ZNF431: variants seen among roughly 807,000 people sequenced by gnomAD.
ZNF431 encodes zinc finger protein 431.
Under a neutral mutation model 57.0 loss-of-function variants are expected in ZNF431, and 34 were observed. The ratio of observed to expected loss-of-function variants is 0.60; its 90% CI spans 0.45 to 0.79. The LOEUF is 0.79. Among genes scored for constraint, ZNF431 ranks in the 30% least tolerant of loss-of-function variants. The probability of loss-of-function intolerance (pLI) is 0.00; values close to 1 mark genes in which losing one functional copy is unlikely to be tolerated. For synonymous variants in ZNF431, 207 were observed against 220.3 expected, an observed-to-expected ratio of 0.94 and a Z score of 0.54; for missense variants, 607 against 667.1, an observed-to-expected ratio of 0.91 and a Z score of 0.99.
At chr19:21,143,991 G>A (rs1028501451) in intron 2 of ZNF431, among the ~76,000 whole-genome samples, 2 of 151,786 alleles carry the variant, frequency 1.3e-5, no homozygotes, top group Non-Finnish European at 2.9e-5. Flanking sequence ...TCCTGTATGG[G>A]TGGTTCATGA....
At chr19:21,161,426 A>G (rs1348936305) in intron 2 of ZNF431, among the ~76,000 whole-genome samples, 2 of 152,194 alleles carry the variant, frequency 1.3e-5, no homozygotes, top group African/African-American at 2.4e-5. Context: ...CTAAGAATAC[A>G]TATATATCAT....
chr19:21,167,649 TG>T lies in ZNF431; in HGVS notation c.304del (p.Val102TrpfsTer21). 1 of 1,580,820 alleles carries T rather than the reference TG, an allele frequency of 6.3e-7. No individual in the cohort carries two copies. Among genetic ancestry groups the T allele is most frequent in the Non-Finnish European group, 8.6e-7 (1 of 1,161,972 alleles). Reference sequence around the variant, plus strand: ...CCCTGGAATATGAAGAGACATGAGATGGTGGATGAACCCCCAGGTAGGTGAG... The same window carrying T: ...CCCTGGAATATGAAGAGACATGAGATGTGGATGAACCCCCAGGTAGGTGAG... ...KEPWNMKRHE[M>X]VDEPPAMCSY... On this transcript the variant is annotated frameshift_variant, in exon 4 of 5. Coordinates refer to ENST00000311048, the MANE Select transcript of ZNF431 (RefSeq NM_133473.4). LOFTEE classifies it high-confidence loss of function.
At chr19:21,172,473 C>G (rs1970930374) in intron 4 of ZNF431, among the ~76,000 whole-genome samples, 1 of 149,824 alleles carries the variant, frequency 6.7e-6, no homozygotes, top group South Asian at 2.1e-4. Flanking sequence ...AAACACATAA[C>G]ATAAAATTTA....
chr19:21,167,155 G>A (rs933349156), intron 3 of ZNF431, among the ~76,000 whole-genome samples: 1 of 151,456 alleles, frequency 6.6e-6, no homozygotes, highest in African/African-American at 2.4e-5. Context: ...ACTGCGCCTG[G>A]CTAAAACACT....
At chr19:21,163,019 C>A (rs990352855) in intron 2 of ZNF431, among the ~76,000 whole-genome samples, 2 of 152,040 alleles carry the variant, frequency 1.3e-5, no homozygotes, top group African/African-American at 2.4e-5. Context: ...GACAGAGAAA[C>A]AGATGAAGAA....
In ZNF431 at chr19:21,162,780, T is replaced by C. The variant is rs1413232144; in HGVS notation, c.97-3555T>C. The C allele has an allele frequency of 4.0e-5, 39 of 984,800 alleles. No homozygotes were observed. In the South Asian group the frequency reaches 6.6e-4, roughly 17 times the overall value. The allele number at this position is 984,800 out of a possible 1,614,324, so 61.0% of individuals were successfully genotyped here. A position where few individuals can be genotyped will look rare whatever the true frequency, so the allele number is the denominator to read the frequency against. On this transcript the variant is annotated intron_variant, in intron 2 of 4. Transcript: ENST00000311048. ...GTAAATGAGAAAAATAAACTGTATA[T>C]TTTGGGATCCTAATTTTTAAGTTTT... is the stretch of plus-strand genomic sequence containing the variant.
chr19:21,160,958 A>G (rs1294913546), intron 2 of ZNF431, among the ~76,000 whole-genome samples: 1 of 152,158 alleles, frequency 6.6e-6, no homozygotes. Flanking sequence ...TCACGAGGTC[A>G]AAACATCAAG....
chr19:21,176,414 G>A (rs560379629), intron 4 of ZNF431, among the ~76,000 whole-genome samples: 23 of 151,434 alleles, frequency 1.5e-4, no homozygotes, highest in African/African-American at 5.3e-4. Flanking sequence ...CTAATTTTTT[G>A]TATTTTTAGT....
At position 21,183,374 on chromosome 19, in the gene ZNF431, A is replaced by T. The variant is rs745817540; in HGVS notation, c.1071A>T (p.Ser357=). The T allele has an allele frequency of 2.5e-6, 4 of 1,613,680 alleles. No homozygotes were observed. In the African/African-American group the frequency reaches 5.3e-5, roughly 22 times the overall value. Residue 357 remains serine, a synonymous_variant, in exon 5 of 5, where the codon TCA becomes TCT. Coordinates refer to ENST00000311048, the MANE Select transcript of ZNF431 (RefSeq NM_133473.4). ...GTGACAAAGCTTTTAATCGATTCTCATACCTTACTAAACATAAGATAATTC... is the reference window on the plus strand; with the variant it reads ...GTGACAAAGCTTTTAATCGATTCTCTTACCTTACTAAACATAAGATAATTC... The part of the protein sequence containing the change: ...EECDKAFNRF[S]YLTKHKIIHT...
chr19:21,186,381 T>G lies in ZNF431; in HGVS notation c.*2347T>G, dbSNP rs1394271692. 1 of 152,240 alleles carries G rather than the reference T, an allele frequency of 6.6e-6. No individual in the cohort carries two copies. The highest frequency in any genetic ancestry group is 2.4e-5 in the African/African-American group (1 of 41,472). 9.4% of individuals were successfully genotyped at this position (152,240 alleles called of 1,614,324 possible). ...TACAGACTTTTAGTTTTGATTCATATAGAGTTAAATACATGTTAGTCTAAA... is the reference window on the plus strand; with the variant it reads ...TACAGACTTTTAGTTTTGATTCATAGAGAGTTAAATACATGTTAGTCTAAA... On this transcript the variant is annotated 3_prime_UTR_variant, in exon 5 of 5. Coordinates refer to ENST00000311048, the MANE Select transcript of ZNF431 (RefSeq NM_133473.4).
Position 21,183,645 on chromosome 19 carries a change from A to T in ZNF431, c.1342A>T (p.Ile448Leu), listed in dbSNP as rs772172413. The change falls in exon 5 of 5, where the codon ATA becomes TTA. Residue 448 changes from isoleucine (I) to leucine (L), a missense_variant. Physicochemically the swap from Ile to Leu is conservative, Grantham distance 5 (BLOSUM62 2). Transcript: ENST00000311048. ...NRSPQLTAHK[I>L]IHTGEKPYKC... ...GTCCCCACAACTTACTGCACATAAG[A>T]TAATTCATACTGGAGAGAAACCTTA... is the stretch of plus-strand genomic sequence containing the variant. 2 of 1,613,522 alleles carry T rather than the reference A, an allele frequency of 1.2e-6. No individual in the cohort carries two copies. Among genetic ancestry groups the T allele is most frequent in the Middle Eastern group, 1.6e-4 (1 of 6,062 alleles).
chr19:21,143,633 A>C lies in ZNF431; in HGVS notation c.86A>C (p.Tyr29Ser). Reference sequence around the variant, plus strand: ...GAGAGGAATCTTCTAGTTTACTCTTATTTTGAAAAGGTAACCTCTTGAGAC... The same window carrying C: ...GAGAGGAATCTTCTAGTTTACTCTTCTTTTGAAAAGGTAACCTCTTGAGAC... Reference protein sequence around the residue: ...GAERNLLVYSYFEKETLTFRD... With the variant: ...GAERNLLVYSSFEKETLTFRD... The change falls in exon 2 of 5, where the codon TAT becomes TCT. Residue 29 changes from tyrosine (Y) to serine (S), a missense_variant. By Grantham distance (144) the Tyr-to-Ser change is moderately radical. Transcript: ENST00000311048. The C allele has an allele frequency of 6.2e-7, 1 of 1,613,556 alleles. No homozygotes were observed. The highest frequency in any genetic ancestry group is 8.5e-7 in the Non-Finnish European group (1 of 1,179,526).
chr19:21,178,397 C>G (rs1388855385), intron 4 of ZNF431, among the ~76,000 whole-genome samples: 1 of 152,078 alleles, frequency 6.6e-6, no homozygotes, highest in Non-Finnish European at 1.5e-5. Flanking sequence ...TGCCAGTTTT[C>G]AAGGGGAATG....
In ZNF431 at chr19:21,162,267, G is replaced by A. The variant is rs569076631; in HGVS notation, c.97-4068G>A. On this transcript the variant is annotated intron_variant, in intron 2 of 4. Coordinates refer to ENST00000311048, the MANE Select transcript of ZNF431 (RefSeq NM_133473.4). ...TGGCACACTGCAACCTCCATCTATG[G>A]GAGTCAAGCGATTGTCCTGCTGCAG... is the stretch of plus-strand genomic sequence containing the variant. 3.3e-5 allele frequency among the ~76,000 whole-genome samples: 5 copies of A among 151,748 alleles called. No individual in the cohort carries two copies. The South Asian group carries it at 1.0e-3, about 32-fold the overall frequency.
Position 21,183,078 on chromosome 19 carries a change from C to A in ZNF431, c.775C>A (p.Pro259Thr). 3.7e-6 allele frequency: 6 copies of A among 1,613,944 alleles called. No homozygotes were observed. Among genetic ancestry groups the A allele is most frequent in the Non-Finnish European group, 5.1e-6 (6 of 1,179,948 alleles). ...RHKRIHTGEK[P>T]FKCEECGKAF... ...CAAGAGAATTCATACTGGAGAGAAA[C>A]CCTTCAAATGTGAAGAATGTGGCAA... Residue 259 changes from proline to threonine, a missense_variant, in exon 5 of 5, where the codon CCC becomes ACC. Transcript: ENST00000311048.
rs1971426731 is a variant in ZNF431, at chr19:21,188,284, G to T, written c.*4250G>T. 1 of 147,130 alleles carries T rather than the reference G, an allele frequency of 6.8e-6. No homozygotes were observed. 9.1% of individuals were successfully genotyped at this position (147,130 alleles called of 1,614,324 possible). A position where few individuals can be genotyped will look rare whatever the true frequency, so the allele number is the denominator to read the frequency against. On this transcript the variant is annotated 3_prime_UTR_variant, in exon 5 of 5. Coordinates refer to ENST00000311048, the MANE Select transcript of ZNF431 (RefSeq NM_133473.4). ...AAAAAAAAAAAAAAAGATAAAAGGT[G>T]CAATACTGTCCACAGGTAAGATAAT...
intron 2 of ZNF431, among the ~76,000 whole-genome samples, chr19:21,161,643 T>G (rs566404751): frequency 6.6e-6 from 1 of 151,798 alleles, no homozygotes; most frequent in Admixed American, 6.6e-5. Flanking sequence ...CCCAGGTCTG[T>G]TTTGTTTGTT....
chr19:21,164,035 T>A (rs1256112277), intron 2 of ZNF431, among the ~76,000 whole-genome samples: 1 of 149,044 alleles, frequency 6.7e-6, no homozygotes, highest in African/African-American at 2.5e-5. Context: ...GAGCTGAGAT[T>A]GCACCATTAC....
chr19:21,158,307 C>T (rs1242512179), intron 2 of ZNF431, among the ~76,000 whole-genome samples: 1 of 152,108 alleles, frequency 6.6e-6, no homozygotes, highest in Admixed American at 6.5e-5. Flanking sequence ...AAGCTATTCT[C>T]CTGCCTCAGC....
Sources: allele counts gnomAD v4.1 joint callset (sites outside exome capture counted in the v4.1 genomes callset), GRCh38; gene constraint gnomAD v4.1.1; transcripts MANE v1.5; gene names NCBI Gene and HGNC (gene_info 2026-07-23, HGNC 2026-07-21).